CYTH1: variants seen among roughly 807,000 people sequenced by gnomAD.
The protein encoded by CYTH1 is cytohesin-1.
CYTH1 carries 18 observed loss-of-function variants against 61.8 expected under a neutral mutation model. The observed-to-expected ratio is 0.29, with a 90% CI of 0.20 to 0.43. CYTH1 has a LOEUF of 0.43. Among genes scored for constraint, CYTH1 ranks in the 20% least tolerant of loss-of-function variants. The pLI, the probability that CYTH1 is intolerant of heterozygous loss-of-function variation, is 1.00. For missense variants in CYTH1, 336 were observed against 510.5 expected (o/e 0.66, Z 3.29); for synonymous variants, 174 against 184.3 (o/e 0.94, Z 0.45).
chr17:78,751,381 TG>T (rs2093379700), intron 1 of CYTH1, among the ~76,000 whole-genome samples: 1 of 151,990 alleles, frequency 6.6e-6, no homozygotes, highest in African/African-American at 2.4e-5. Flanking sequence ...AGGCACATCA[TG>T]GCCTCTTGTA....
intron 1 of CYTH1, among the ~76,000 whole-genome samples, chr17:78,740,674 T>C (rs962622091): frequency 5.9e-5 from 9 of 152,212 alleles, no homozygotes; most frequent in Non-Finnish European, 1.0e-4. Flanking sequence ...CATCACCAAA[T>C]TGTATGTTTC....
chr17:78,748,261 AC>A (rs139540094), intron 1 of CYTH1, among the ~76,000 whole-genome samples: 113 of 152,246 alleles, frequency 7.4e-4, no homozygotes, highest in Non-Finnish European at 1.3e-3. Context: ...ACTCTATGGA[AC>A]CAGCTTGGCG....
At chr17:78,760,355 T>TTATATATATACATATATATA (rs2093416938) in intron 1 of CYTH1, among the ~76,000 whole-genome samples, 1 of 52,272 alleles carries the variant, frequency 1.9e-5, no homozygotes, top group African/African-American at 7.2e-5. Flanking sequence ...AATAGCAGGT[T>TTATATATATACATATATATA]TATATATATA....
intron 1 of CYTH1, among the ~76,000 whole-genome samples, chr17:78,710,376 T>C (rs1166983660): frequency 6.6e-6 from 1 of 152,236 alleles, no homozygotes; most frequent in Non-Finnish European, 1.5e-5. Flanking sequence ...CAATGTGCTC[T>C]TATCATCAGA....
intron 1 of CYTH1, among the ~76,000 whole-genome samples, chr17:78,773,628 C>CAA (rs772324364): frequency 8.7e-4 from 93 of 107,026 alleles, no homozygotes; most frequent in African/African-American, 2.9e-3. Context: ...GACTCCATCT[C>CAA]AAAAAAAAAA....
intron 1 of CYTH1, among the ~76,000 whole-genome samples, chr17:78,774,063 T>C (rs572814647): frequency 1.3e-5 from 2 of 151,788 alleles, no homozygotes; most frequent in Non-Finnish European, 2.9e-5. Flanking sequence ...TTGTTTGTTT[T>C]AAAAAAAAAC....
intron 1 of CYTH1, among the ~76,000 whole-genome samples, chr17:78,734,432 CTTTTT>C (rs10557033): frequency 4.9e-4 from 31 of 62,710 alleles, no homozygotes; most frequent in East Asian, 5.0e-4. Flanking sequence ...TAAAAAAAAG[CTTTTT>C]TTTTTTTTTT....
rs1567879366 is a variant in CYTH1 at position 78,760,456 on chromosome 17, CATACATATATAT to C, written c.22+21734_22+21745del. Among the ~76,000 whole-genome samples, 171 of 29,436 alleles carry C rather than the reference CATACATATATAT, an allele frequency of 5.8e-3. 22 individuals carry two copies. The highest frequency in any genetic ancestry group is 0.014 in the Admixed American group (42 of 2,916). The allele number at this position is 29,436 out of a possible 152,430, so 19.3% of individuals were successfully genotyped here. The stretch of plus-strand genomic sequence containing the variant: ...ACATATATATATGTATATATATATA[CATACATATATAT>C]ATGTATATATATGTATGTATATATA... On this transcript the variant is annotated intron_variant, in intron 1 of 13. Coordinates refer to ENST00000446868, the MANE Select transcript of CYTH1 (RefSeq NM_004762.6).
At chr17:78,761,831 GA>G (rs2093430147) in intron 1 of CYTH1, among the ~76,000 whole-genome samples, 1 of 152,206 alleles carries the variant, frequency 6.6e-6, no homozygotes, top group African/African-American at 2.4e-5. Context: ...ATACGTTTGA[GA>G]AAACAGTAGT....
At position 78,701,766 on chromosome 17, in the gene CYTH1, C is replaced by A. The variant is rs2093011946; in HGVS notation, c.357-15G>T. On this transcript the variant is annotated splice_polypyrimidine_tract_variant and intron_variant, in intron 5 of 13. Transcript: ENST00000446868. Reference sequence around the variant, plus strand: ...TAAACTCATCTCTATCGAGAAAAGACAAAAAATGGGAGAGAAAGCAGGAGT... The same window carrying A: ...TAAACTCATCTCTATCGAGAAAAGAAAAAAAATGGGAGAGAAAGCAGGAGT... The A allele has an allele frequency of 6.2e-7, 1 of 1,613,404 alleles. No individual in the cohort carries two copies. The highest frequency in any genetic ancestry group is 2.2e-5 in the East Asian group (1 of 44,872).
intron 11 of CYTH1, among the ~76,000 whole-genome samples, chr17:78,690,393 CAAAAAAAAAAAAAAAAAAAAAAAA>C (rs60663636): frequency 3.5e-5 from 1 of 28,314 alleles, no homozygotes; most frequent in South Asian, 2.0e-3. Context: ...GACTCCATCT[CAAAAAAAAAAAAAAAAAAAAAAAA>C]AAAAAAAAAA....
chr17:78,742,708 C>G (rs2093346046), intron 1 of CYTH1, among the ~76,000 whole-genome samples: 2 of 152,180 alleles, frequency 1.3e-5, no homozygotes, highest in East Asian at 3.9e-4. Flanking sequence ...CAAACGTTAG[C>G]TGGGCGTGGT....
intron 1 of CYTH1, among the ~76,000 whole-genome samples, chr17:78,772,104 A>C (rs1289517217): frequency 6.6e-6 from 1 of 152,184 alleles, no homozygotes; most frequent in Middle Eastern, 3.2e-3. Context: ...AGAGACAATC[A>C]AGTAGTGTGG....
At chr17:78,739,079 G>A (rs1321662530) in intron 1 of CYTH1, among the ~76,000 whole-genome samples, 2 of 152,220 alleles carry the variant, frequency 1.3e-5, no homozygotes, top group Non-Finnish European at 2.9e-5. Flanking sequence ...TCGTAAGTTT[G>A]AGGTATTTCC....
chr17:78,744,478 G>A (rs1212465145), intron 1 of CYTH1, among the ~76,000 whole-genome samples: 2 of 152,182 alleles, frequency 1.3e-5, no homozygotes, highest in Non-Finnish European at 2.9e-5. Context: ...TCTGCAAGGT[G>A]GGGTGGAGCA....
chr17:78,727,423 T>C (rs975160493), intron 1 of CYTH1, among the ~76,000 whole-genome samples: 1 of 152,206 alleles, frequency 6.6e-6, no homozygotes, highest in Admixed American at 6.5e-5. Context: ...AAGCAAAAAC[T>C]GGCATCTGTT....
intron 3 of CYTH1, among the ~76,000 whole-genome samples, chr17:78,706,164 T>G (rs1779780342): frequency 6.6e-6 from 1 of 152,202 alleles, no homozygotes; most frequent in African/African-American, 2.4e-5. Context: ...TTTAACAAAA[T>G]GCACACACCT....
At chr17:78,703,881 C>T (rs917196379) in intron 3 of CYTH1, among the ~76,000 whole-genome samples, 5 of 152,318 alleles carry the variant, frequency 3.3e-5, no homozygotes, top group African/African-American at 1.2e-4. Context: ...ATGCAGAAGG[C>T]TGCTATCAGC....
rs977921189 is a variant in CYTH1 at position 78,753,432 on chromosome 17, G to A, written c.22+28770C>T. 2.6e-5 allele frequency among the ~76,000 whole-genome samples: 4 copies of A among 152,070 alleles called. No homozygotes were observed. In the South Asian group the frequency reaches 6.2e-4, roughly 24 times the overall value. On this transcript the variant is annotated intron_variant, in intron 1 of 13. Transcript: ENST00000446868. ...TCATGCCTGTTAGCTCAACACTTTC[G>A]GGAGGATCACTTGAGCCCAGAAGTT...
Sources: allele counts gnomAD v4.1 joint callset (sites outside exome capture counted in the v4.1 genomes callset), GRCh38; gene constraint gnomAD v4.1.1; transcripts MANE v1.5; gene names NCBI Gene and HGNC (gene_info 2026-07-23, HGNC 2026-07-21).